Variants in ERGIC1 observed in about 807,000 individuals in gnomAD.
ERGIC1 encodes the protein endoplasmic reticulum-Golgi intermediate compartment protein 1.
A neutral mutation model predicts 38.3 loss-of-function variants in ERGIC1; 19 were observed. The ratio of observed to expected loss-of-function variants is 0.50; its 90% CI spans 0.35 to 0.73. The LOEUF is 0.73. Ranked by LOEUF, ERGIC1 falls within the 30% of genes least tolerant of loss-of-function variation. The probability of loss-of-function intolerance (pLI) is 0.01; values close to 1 mark genes in which losing one functional copy is unlikely to be tolerated. For missense variants in ERGIC1, 294 were observed against 389.2 expected (o/e 0.76, Z 2.06); for synonymous variants, 124 against 157.6 (o/e 0.79, Z 1.60).
intron 9 of ERGIC1, among the ~76,000 whole-genome samples, chr5:172,939,869 C>T (rs1002847454): frequency 2.0e-5 from 3 of 151,896 alleles, no homozygotes; most frequent in African/African-American, 2.4e-5. Context: ...CAGACACACA[C>T]GTACACACAC....
chr5:172,839,799 C>T lies in ERGIC1; in HGVS notation c.20+5366C>T, dbSNP rs558355152. ...TACAAGGGAGGTGCTGTTGTTACCC[C>T]ACTTTACAGGTGAGCCAGTGGAGGT... is the stretch of plus-strand genomic sequence containing the variant. On this transcript the variant is annotated intron_variant, in intron 1 of 9. Coordinates refer to ENST00000393784, the MANE Select transcript of ERGIC1 (RefSeq NM_001031711.3). 3.3e-5 allele frequency among the ~76,000 whole-genome samples: 5 copies of T among 152,288 alleles called. 1 individual carries two copies. Among genetic ancestry groups the T allele is most frequent in the African/African-American group, 9.6e-5 (4 of 41,560 alleles).
At chr5:172,942,964 AG>A (rs1437617672) in intron 9 of ERGIC1, among the ~76,000 whole-genome samples, 4 of 152,346 alleles carry the variant, frequency 2.6e-5, no homozygotes, top group Admixed American at 1.3e-4. Flanking sequence ...GAGAGGGGCT[AG>A]GAAGAGTCTT....
Position 172,837,287 on chromosome 5 carries a change from G to A in ERGIC1, c.20+2854G>A, listed in dbSNP as rs369241291. Among the ~76,000 whole-genome samples, 4 of 152,190 alleles carry A rather than the reference G, an allele frequency of 2.6e-5. No homozygotes were observed. The highest frequency in any genetic ancestry group is 9.7e-5 in the African/African-American group (4 of 41,434). On this transcript the variant is annotated intron_variant, in intron 1 of 9. Transcript: ENST00000393784. The surrounding 1 kb of genome is among the most constrained non-coding windows in gnomAD (Gnocchi z 4.3). ...AATGGGAATGAGGAGAGTACTCACC[G>A]AAGTAGAACAGTTGAGGGATGAGGC...
At chr5:172,895,156 T>C (rs1183536478) in intron 2 of ERGIC1, among the ~76,000 whole-genome samples, 1 of 152,224 alleles carries the variant, frequency 6.6e-6, no homozygotes, top group African/African-American at 2.4e-5. Context: ...GTTGAATCAC[T>C]TTCCCCAGAT....
chr5:172,879,251 C>T (rs1389011309), intron 1 of ERGIC1, among the ~76,000 whole-genome samples: 1 of 152,222 alleles, frequency 6.6e-6, no homozygotes, highest in African/African-American at 2.4e-5. Flanking sequence ...ACATTTCCAG[C>T]GGCAGTTTCC....
At chr5:172,888,140 G>C (rs184945413) in intron 1 of ERGIC1, among the ~76,000 whole-genome samples, 1 of 152,350 alleles carries the variant, frequency 6.6e-6, no homozygotes, top group African/African-American at 2.4e-5. Context: ...TGCTCTCGCA[G>C]AAGTTACACT....
chr5:172,840,240 C>T (rs1022243241), intron 1 of ERGIC1, among the ~76,000 whole-genome samples: 2 of 152,206 alleles, frequency 1.3e-5, no homozygotes, highest in African/African-American at 2.4e-5. Flanking sequence ...GTCCTCTCCT[C>T]CCAAGGCCGT....
intron 1 of ERGIC1, among the ~76,000 whole-genome samples, chr5:172,843,451 C>A (rs544389003): frequency 1.3e-5 from 2 of 152,202 alleles, no homozygotes; most frequent in Non-Finnish European, 2.9e-5. Context: ...TTTTATTATT[C>A]TTCACTAGAT....
At chr5:172,851,395 G>C (rs991512262) in intron 1 of ERGIC1, among the ~76,000 whole-genome samples, 4 of 152,060 alleles carry the variant, frequency 2.6e-5, no homozygotes, top group African/African-American at 9.7e-5. Flanking sequence ...AGTAGTCCCA[G>C]CTACTCAGGA....
At chr5:172,915,598 G>A (rs1369240678) in intron 5 of ERGIC1, 1 of 471,238 alleles carries the variant, frequency 2.1e-6, no homozygotes, top group Admixed American at 2.3e-5. Flanking sequence ...GCAGCTGGCA[G>A]GGTTTTGCTC....
At chr5:172,942,210 AAAAAAT>A (rs1764025711) in intron 9 of ERGIC1, among the ~76,000 whole-genome samples, 2 of 152,136 alleles carry the variant, frequency 1.3e-5, no homozygotes, top group Admixed American at 1.3e-4. Flanking sequence ...TAATAATAAT[AAAAAAT>A]AAAAAAAAGA....
rs573300968 is a variant in ERGIC1 at position 172,891,878 on chromosome 5, C to G, written c.82+3118C>G. Among the ~76,000 whole-genome samples, 4 of 152,296 alleles carry G rather than the reference C, an allele frequency of 2.6e-5. No homozygotes were observed. In the South Asian group the frequency reaches 8.3e-4, roughly 32 times the overall value. The stretch of plus-strand genomic sequence containing the variant: ...CCAGCGGATAAACAGCCACCACATT[C>G]TTCTTTCCAGCTGTGTCACATTCTG... On this transcript the variant is annotated intron_variant, in intron 2 of 9. Transcript: ENST00000393784.
intron 1 of ERGIC1, among the ~76,000 whole-genome samples, chr5:172,882,298 G>A (rs930846971): frequency 1.3e-5 from 2 of 152,164 alleles, no homozygotes; most frequent in African/African-American, 4.8e-5. Context: ...CTAGAACACT[G>A]CCTGGTATAT....
intron 1 of ERGIC1, among the ~76,000 whole-genome samples, chr5:172,873,536 GC>G (rs1762069874): frequency 6.6e-6 from 1 of 152,224 alleles, no homozygotes; most frequent in Non-Finnish European, 1.5e-5. Flanking sequence ...GCCACGGCCT[GC>G]TGTCAGCATG....
intron 7 of ERGIC1, among the ~76,000 whole-genome samples, chr5:172,929,153 A>G (rs6872313): frequency 0.5 from 74,258 of 149,898 alleles, 19,023 homozygotes; most frequent in Non-Finnish European, 0.55. Context: ...ATATATATAT[A>G]TGTGTGTGTG....
intron 1 of ERGIC1, among the ~76,000 whole-genome samples, chr5:172,845,645 CT>C (rs1267697735): frequency 6.6e-6 from 1 of 152,220 alleles, no homozygotes; most frequent in East Asian, 1.9e-4. Flanking sequence ...TTCTCTCTCT[CT>C]TTTAACTAAA....
At chr5:172,854,024 T>C (rs1761476839) in intron 1 of ERGIC1, among the ~76,000 whole-genome samples, 1 of 152,186 alleles carries the variant, frequency 6.6e-6, no homozygotes, top group African/African-American at 2.4e-5. Context: ...TCTGCTCATC[T>C]CCTTCGAAGT....
At chr5:172,885,796 T>C (rs1762403685) in intron 1 of ERGIC1, among the ~76,000 whole-genome samples, 1 of 152,058 alleles carries the variant, frequency 6.6e-6, no homozygotes, top group Admixed American at 6.6e-5. Flanking sequence ...GCGGACCACA[T>C]CCTCTTCCAG....
chr5:172,924,059 C>T lies in ERGIC1; in HGVS notation c.430C>T (p.Pro144Ser). The T allele has an allele frequency of 6.2e-7, 1 of 1,614,226 alleles. No individual in the cohort carries two copies. The highest frequency in any genetic ancestry group is 8.5e-7 in the Non-Finnish European group (1 of 1,180,048). Residue 144 changes from proline to serine, a missense_variant, in exon 6 of 10, where the codon CCA becomes TCA. This residue lies in a region of ERGIC1 where 163 missense variants were observed against 225.8 expected (regional missense o/e 0.72). Transcript: ENST00000393784. ...CAGTGCCACAGCCCAGCCACAGAAC[C>T]CAGACATGACGCATGTCATCCACAA... is the stretch of plus-strand genomic sequence containing the variant. ...THSATAQPQN[P>S]DMTHVIHKLS... is the part of the protein sequence containing the mutation.
Sources: gnomAD v4.1 joint callset for allele counts (sites outside exome capture counted in the v4.1 genomes callset) on GRCh38, gnomAD v4.1.1 for gene constraint, gnomAD v4.1.1 regional missense constraint, Gnocchi (gnomAD v3.1) non-coding constraint, MANE v1.5 for transcripts, NCBI Gene and HGNC (gene_info 2026-07-23, HGNC 2026-07-21) for gene names.